The following LRCH1 variants were observed in gnomAD, a reference collection of about 807,000 sequenced individuals.
LRCH1 encodes leucine-rich repeat and calponin homology domain-containing protein 1.
Under a neutral mutation model 94.9 loss-of-function variants are expected in LRCH1, and 23 were observed. The observed-to-expected ratio is 0.24, with a 90% CI of 0.17 to 0.34. The LOEUF is 0.34. LRCH1 is among the 10% of genes least tolerant of loss of function. The probability of loss-of-function intolerance (pLI) is 1.00; values close to 1 mark genes in which losing one functional copy is unlikely to be tolerated. For missense variants in LRCH1, 790 were observed against 945.9 expected (o/e 0.84, Z 2.16); for synonymous variants, 364 against 354.9 (o/e 1.03, Z -0.29).
intron 2 of LRCH1, among the ~76,000 whole-genome samples, chr13:46,664,504 C>T (rs2051489881): frequency 6.6e-6 from 1 of 152,142 alleles, no homozygotes; most frequent in South Asian, 2.1e-4. Flanking sequence ...AGCCTAGGAG[C>T]AATGGGCTAT....
Position 46,743,535 on chromosome 13 carries a change from G to T in LRCH1, c.*1687G>T. ...ATCTGTAACACAATAAAATCCCTTT[G>T]TACGATGTCTAATGAGCACCCTGAG... On this transcript the variant is annotated 3_prime_UTR_variant, in exon 20 of 20. Coordinates refer to ENST00000389797, the MANE Select transcript of LRCH1 (RefSeq NM_001164211.2). 4.1e-6 allele frequency: 4 copies of T among 985,734 alleles called. No individual in the cohort carries two copies. Among genetic ancestry groups the T allele is most frequent in the Non-Finnish European group, 4.8e-6 (4 of 829,896 alleles). The allele number at this position is 985,734 out of a possible 1,614,324, so 61.1% of individuals were successfully genotyped here.
intron 1 of LRCH1, among the ~76,000 whole-genome samples, chr13:46,645,406 C>T (rs1011077377): frequency 2.0e-5 from 3 of 152,072 alleles, no homozygotes; most frequent in African/African-American, 7.2e-5. Flanking sequence ...TATTTAATTA[C>T]AGTATTGGTG....
chr13:46,573,060 T>C (rs906473144), intron 1 of LRCH1, among the ~76,000 whole-genome samples: 2 of 152,030 alleles, frequency 1.3e-5, no homozygotes, highest in African/African-American at 2.4e-5. Flanking sequence ...ATGCAAGGAG[T>C]GCAGAGCAAT....
chr13:46,730,735 GA>G (rs1873059936), intron 18 of LRCH1, among the ~76,000 whole-genome samples: 1 of 152,112 alleles, frequency 6.6e-6, no homozygotes, highest in Non-Finnish European at 1.5e-5. Flanking sequence ...TTTTACAAAT[GA>G]GGTCCAAACT....
intron 3 of LRCH1, among the ~76,000 whole-genome samples, chr13:46,680,475 C>T (rs2138140330): frequency 6.6e-6 from 1 of 152,226 alleles, no homozygotes; most frequent in South Asian, 2.1e-4. Context: ...GGCATTAGAT[C>T]AGAGTGGGAG....
At chr13:46,739,540 C>T (rs1269735220) in intron 19 of LRCH1, among the ~76,000 whole-genome samples, 10 of 152,226 alleles carry the variant, frequency 6.6e-5, no homozygotes, top group Non-Finnish European at 5.9e-5. Context: ...GCAGAACCTC[C>T]CAGGTCAGAA....
downstream of LRCH1, among the ~76,000 whole-genome samples, chr13:46,746,848 G>A (rs1376669461): frequency 6.6e-6 from 1 of 152,184 alleles, no homozygotes; most frequent in African/African-American, 2.4e-5. Context: ...CCTGACTGGT[G>A]TGATGGCAAA....
At chr13:46,641,797 C>G (rs2138064356) in intron 1 of LRCH1, among the ~76,000 whole-genome samples, 1 of 152,336 alleles carries the variant, frequency 6.6e-6, no homozygotes, top group African/African-American at 2.4e-5. Context: ...GTGCTGACTG[C>G]ACACCAGATT....
chr13:46,735,998 T>A (rs1282645564), intron 19 of LRCH1, among the ~76,000 whole-genome samples: 2 of 152,002 alleles, frequency 1.3e-5, no homozygotes, highest in African/African-American at 2.4e-5. Flanking sequence ...GGTTTTACCA[T>A]GTTGGCCAGG....
chr13:46,578,506 T>G (rs1387872611), intron 1 of LRCH1, among the ~76,000 whole-genome samples: 1 of 152,206 alleles, frequency 6.6e-6, no homozygotes, highest in African/African-American at 2.4e-5. Context: ...GTCTGTCTGA[T>G]TAACAATTGC....
At chr13:46,578,836 C>T (rs1422069846) in intron 1 of LRCH1, among the ~76,000 whole-genome samples, 3 of 152,036 alleles carry the variant, frequency 2.0e-5, no homozygotes, top group Non-Finnish European at 4.4e-5. Flanking sequence ...GGGTGTGTGG[C>T]CTTCATGCCA....
intron 1 of LRCH1, among the ~76,000 whole-genome samples, chr13:46,592,905 T>C (rs1391930642): frequency 1.3e-5 from 2 of 152,144 alleles, no homozygotes; most frequent in African/African-American, 4.8e-5. Context: ...GTTTATGGCT[T>C]CTGTAAGTTT....
At chr13:46,602,456 CT>C (rs2050638181) in intron 1 of LRCH1, among the ~76,000 whole-genome samples, 1 of 152,144 alleles carries the variant, frequency 6.6e-6, no homozygotes, top group Admixed American at 6.5e-5. Context: ...CTGCTGTTTA[CT>C]GTGTCTGTAG....
chr13:46,648,807 G>A (rs911074405), intron 1 of LRCH1, among the ~76,000 whole-genome samples: 1 of 151,894 alleles, frequency 6.6e-6, no homozygotes, highest in Non-Finnish European at 1.5e-5. Context: ...CTCTTCTTTT[G>A]TGTCATTTTG....
chr13:46,720,160 G>C (rs1872532974), intron 16 of LRCH1, among the ~76,000 whole-genome samples: 1 of 152,130 alleles, frequency 6.6e-6, no homozygotes, highest in Non-Finnish European at 1.5e-5. Context: ...TCTGAGGCAG[G>C]TAGATCACTT....
Position 46,580,300 on chromosome 13 carries a change from A to G in LRCH1, c.307+26597A>G, listed in dbSNP as rs1025332711. ...TATCTGAAATTCTAAGATAGTGAAG[A>G]GAGTTATTTTACTTTTTCTTGTAGG... On this transcript the variant is annotated intron_variant, in intron 1 of 19. Transcript: ENST00000389797. 8.5e-5 allele frequency among the ~76,000 whole-genome samples: 13 copies of G among 152,180 alleles called. 1 individual carries two copies. Among genetic ancestry groups the G allele is most frequent in the Admixed American group, 3.3e-4 (5 of 15,264 alleles).
intron 1 of LRCH1, among the ~76,000 whole-genome samples, chr13:46,595,465 G>A (rs1377636048): frequency 6.6e-6 from 1 of 152,154 alleles, no homozygotes; most frequent in Admixed American, 6.5e-5. Context: ...AGTTTTATAT[G>A]TACGTCAGCA....
In LRCH1 at chr13:46,729,073, G is replaced by T. The variant is rs953817292; in HGVS notation, c.2007+89G>T. Reference sequence around the variant, plus strand: ...TTTAGGATGTCAATGGTGTCAGTAGGAGCTTGCTCAAATCTTTTCCATTGG... The same window carrying T: ...TTTAGGATGTCAATGGTGTCAGTAGTAGCTTGCTCAAATCTTTTCCATTGG... On this transcript the variant is annotated intron_variant, in intron 18 of 19. Coordinates refer to ENST00000389797, the MANE Select transcript of LRCH1 (RefSeq NM_001164211.2). The T allele has an allele frequency of 2.3e-6, 3 of 1,288,322 alleles. No individual in the cohort carries two copies. In the African/African-American group the frequency reaches 4.4e-5, roughly 19 times the overall value. The allele number at this position is 1,288,322 out of a possible 1,614,324, so 79.8% of individuals were successfully genotyped here.
intron 8 of LRCH1, among the ~76,000 whole-genome samples, chr13:46,693,683 C>G (rs1871028872): frequency 6.6e-6 from 1 of 152,204 alleles, no homozygotes; most frequent in Admixed American, 6.5e-5. Context: ...TAAACACTGT[C>G]TTGTGTGCCT....
Sources: gnomAD v4.1 joint callset for allele counts (sites outside exome capture counted in the v4.1 genomes callset) on GRCh38, gnomAD v4.1.1 for gene constraint, MANE v1.5 for transcripts, NCBI Gene and HGNC (gene_info 2026-07-23, HGNC 2026-07-21) for gene names.